The following PRDM2 variants were observed in gnomAD, a reference collection of about 807,000 sequenced individuals.
PRDM2 encodes the protein PR/SET domain 2, also known as PR domain zinc finger protein 2.
In PRDM2, 30 loss-of-function variants were observed where a neutral mutation model predicts 130.0. The observed-to-expected ratio is 0.23, with a 90% confidence interval of 0.17 to 0.31. PRDM2 has a LOEUF of 0.31. PRDM2 is among the 10% of genes least tolerant of loss of function. The pLI is 1.00. For synonymous variants in PRDM2, 871 were observed against 782.4 expected, an observed-to-expected ratio of 1.11 and a Z score of -1.89; for missense variants, 2,011 against 2,108.4, an observed-to-expected ratio of 0.95 and a Z score of 0.90.
At chr1:13,761,747 A>G (rs1644103296) in intron 6 of PRDM2, among the ~76,000 whole-genome samples, 1 of 152,146 alleles carries the variant, frequency 6.6e-6, no homozygotes. Flanking sequence ...AAACTCAAGC[A>G]GAGACAGTTA....
chr1:13,703,425 G>C (rs1367485200), intron 1 of PRDM2, among the ~76,000 whole-genome samples: 1 of 152,202 alleles, frequency 6.6e-6, no homozygotes, highest in African/African-American at 2.4e-5. Context: ...TTGAATTATT[G>C]AAACAGATTA....
At chr1:13,773,782 C>T (rs1226340810) in intron 7 of PRDM2, 1 of 152,128 alleles carries the variant, frequency 6.6e-6, no homozygotes, top group African/African-American at 2.4e-5. Context: ...AAGTTCAAAA[C>T]CATCAAAAAA....
chr1:13,745,511 G>A (rs1039953423), intron 5 of PRDM2, among the ~76,000 whole-genome samples: 1 of 149,832 alleles, frequency 6.7e-6, no homozygotes, highest in Non-Finnish European at 1.5e-5. Flanking sequence ...TGCAACCTCC[G>A]CCTCCCAGGT....
chr1:13,756,998 A>T (rs1643971987), intron 6 of PRDM2, among the ~76,000 whole-genome samples: 1 of 152,262 alleles, frequency 6.6e-6, no homozygotes. Flanking sequence ...GTTTCTAAGT[A>T]GGACAGTTAT....
intron 6 of PRDM2, among the ~76,000 whole-genome samples, chr1:13,760,286 A>G (rs576877057): frequency 6.6e-6 from 1 of 152,200 alleles, no homozygotes; most frequent in South Asian, 2.1e-4. Context: ...TTCATAGCAA[A>G]TGATTCTTGT....
chr1:13,817,474 G>T (rs1006382323), intron 9 of PRDM2, among the ~76,000 whole-genome samples: 5 of 151,892 alleles, frequency 3.3e-5, no homozygotes, highest in African/African-American at 1.2e-4. Context: ...GGATTCTGCT[G>T]GTGACCCACG....
intron 7 of PRDM2, chr1:13,773,793 T>TAGTG (rs1427665570): frequency 6.6e-6 from 1 of 152,168 alleles, no homozygotes; most frequent in African/African-American, 2.4e-5. Context: ...CATCAAAAAA[T>TAGTG]AGTGATAGCA....
chr1:13,816,411 T>G lies in PRDM2; in HGVS notation c.5037-16T>G. 6.2e-7 allele frequency: 1 copy of G among 1,613,828 alleles called. No individual in the cohort carries two copies. Among genetic ancestry groups the G allele is most frequent in the Non-Finnish European group, 8.5e-7 (1 of 1,179,900 alleles). ...GGGCTCCTGTGACAATGTGTGTTGT[T>G]CCTCTTCCTGCACAGCTACAGCCTC... On this transcript the variant is annotated splice_polypyrimidine_tract_variant and intron_variant, in intron 8 of 9. Coordinates refer to ENST00000311066, the MANE Select transcript of PRDM2 (RefSeq NM_001393986.1).
chr1:13,713,650 C>G (rs1343293328), intron 1 of PRDM2, among the ~76,000 whole-genome samples: 1 of 152,122 alleles, frequency 6.6e-6, no homozygotes, highest in African/African-American at 2.4e-5. Flanking sequence ...TTGTTCTGTT[C>G]CTCAAAGAGA....
At position 13,771,293 on chromosome 1, in the gene PRDM2, G is replaced by T. The variant is rs1405043746; in HGVS notation, c.512-1785G>T. On this transcript the variant is annotated intron_variant, in intron 6 of 9. Transcript: ENST00000311066. This position sits in a 1 kb window ranked among gnomAD's most constrained non-coding sequence, Gnocchi z 4.1. ...TTCACTCTTGTTATCACCAGAGTGT[G>T]GTCCCGGTGAAGTGTGTGCTCGTTT... 6.6e-6 allele frequency among the ~76,000 whole-genome samples: 1 copy of T among 152,178 alleles called. No homozygotes were observed. The highest frequency in any genetic ancestry group is 1.9e-4 in the East Asian group (1 of 5,194).
chr1:13,807,633 A>C (rs1197177729), intron 8 of PRDM2, among the ~76,000 whole-genome samples: 3 of 152,206 alleles, frequency 2.0e-5, no homozygotes, highest in Non-Finnish European at 4.4e-5. Context: ...AGAGTGTTCC[A>C]GGAACAGCCT....
chr1:13,755,051 T>C (rs1428167031), intron 6 of PRDM2, among the ~76,000 whole-genome samples: 6 of 152,300 alleles, frequency 3.9e-5, no homozygotes, highest in Admixed American at 6.5e-5. Flanking sequence ...GCTGCTGTTA[T>C]GGTGGCGGTC....
intron 6 of PRDM2, among the ~76,000 whole-genome samples, chr1:13,755,713 G>A (rs1279220154): frequency 6.6e-6 from 1 of 151,632 alleles, no homozygotes; most frequent in Non-Finnish European, 1.5e-5. Context: ...TTTACAGATA[G>A]CTGTTACGAC....
intron 8 of PRDM2, among the ~76,000 whole-genome samples, chr1:13,786,166 A>G (rs535919297): frequency 4.6e-5 from 7 of 152,104 alleles, no homozygotes; most frequent in African/African-American, 1.7e-4. Flanking sequence ...CTTCTTTTAG[A>G]GCCACATTTT....
At chr1:13,792,228 A>T (rs1644851963) in intron 8 of PRDM2, among the ~76,000 whole-genome samples, 2 of 152,258 alleles carry the variant, frequency 1.3e-5, no homozygotes, top group African/African-American at 4.8e-5. Context: ...GAGTCTTAGC[A>T]TTAAATCTAA....
At position 13,822,087 on chromosome 1, in the gene PRDM2, T is replaced by C. The variant is rs369790940; in HGVS notation, c.*24-1072T>C. 6.6e-5 allele frequency among the ~76,000 whole-genome samples: 10 copies of C among 152,198 alleles called. No homozygotes were observed. In the East Asian group the frequency reaches 1.5e-3, roughly 23 times the overall value. On this transcript the variant is annotated intron_variant, in intron 9 of 9. Coordinates refer to ENST00000311066, the MANE Select transcript of PRDM2 (RefSeq NM_001393986.1). ...AGTACAATCACTTTGGAAAACTGTTTGGCAGTGTTGACTGATGCTGAACAT... is the reference window on the plus strand; with the variant it reads ...AGTACAATCACTTTGGAAAACTGTTCGGCAGTGTTGACTGATGCTGAACAT...
intron 6 of PRDM2, among the ~76,000 whole-genome samples, chr1:13,756,368 T>C (rs796796255): frequency 2.0e-4 from 31 of 152,328 alleles, no homozygotes; most frequent in African/African-American, 7.5e-4. Flanking sequence ...TATGGTGAAC[T>C]GAAGCTGAAG....
chr1:13,809,359 G>A (rs539375901), intron 8 of PRDM2, among the ~76,000 whole-genome samples: 6 of 152,280 alleles, frequency 3.9e-5, no homozygotes, highest in Admixed American at 6.5e-5. Context: ...GGTGGTCCCC[G>A]ACAGTGGTAG....
In PRDM2 at chr1:13,782,731, G is replaced by A. The variant is rs201902236; in HGVS notation, c.4936G>A (p.Gly1646Arg). ...RFNIKSRERS[G>R]GPVTRSLQLA... is the part of the protein sequence containing the mutation. ...CAATATAAAATCTAGAGAGCGGAGT[G>A]GGGGGCCAGTCACCCGGAGCCTTCA... The change falls in exon 8 of 10, where the codon GGG becomes AGG. Residue 1646 changes from glycine to arginine, a missense_variant. This residue lies in a region of PRDM2 where 410 missense variants were observed against 395.9 expected (regional missense o/e 1.04). Coordinates refer to ENST00000311066, the MANE Select transcript of PRDM2 (RefSeq NM_001393986.1). 4 of 1,613,570 alleles carry A rather than the reference G, an allele frequency of 2.5e-6. No individual in the cohort carries two copies. The highest frequency in any genetic ancestry group is 1.3e-5 in the African/African-American group (1 of 74,862).
Sources: allele counts gnomAD v4.1 joint callset (sites outside exome capture counted in the v4.1 genomes callset), GRCh38; gene constraint gnomAD v4.1.1; regional missense constraint gnomAD v4.1.1; non-coding constraint Gnocchi (gnomAD v3.1); transcripts MANE v1.5; gene names NCBI Gene and HGNC (gene_info 2026-07-23, HGNC 2026-07-21).